Variants in PARP11 observed in about 807,000 individuals in gnomAD.
PARP11 encodes the protein protein mono-ADP-ribosyltransferase PARP11.
In PARP11, 31 loss-of-function variants were observed where a neutral mutation model predicts 42.9. The observed-to-expected ratio is 0.72, with a 90% confidence interval of 0.54 to 0.98. The LOEUF is 0.98. PARP11 is among the 50% of genes least tolerant of loss of function. The probability of loss-of-function intolerance (pLI) is 0.00; values close to 1 mark genes in which losing one functional copy is unlikely to be tolerated. For synonymous variants in PARP11, 137 were observed against 127.3 expected, an observed-to-expected ratio of 1.08 and a Z score of -0.51; for missense variants, 365 against 413.1, an observed-to-expected ratio of 0.88 and a Z score of 1.01.
chr12:3,843,060 TTTC>T (rs1947926556), intron 1 of PARP11, among the ~76,000 whole-genome samples: 1 of 152,362 alleles, frequency 6.6e-6, no homozygotes, highest in East Asian at 1.9e-4. Context: ...CCCAAAGGCC[TTTC>T]ATCTCGATAT....
At chr12:3,828,496 C>T (rs566405461) in intron 3 of PARP11, among the ~76,000 whole-genome samples, 2 of 146,086 alleles carry the variant, frequency 1.4e-5, no homozygotes, top group South Asian at 4.3e-4. Context: ...TGCAGTGAGC[C>T]GAGATCATGC....
chr12:3,840,662 C>T lies in PARP11; in HGVS notation c.19-10644G>A, dbSNP rs1947866601. ...TCCATGTGTCCAGAGAAAATCATCA[C>T]ACGTAAGTGATAGAAAAGGAAGCAG... is the stretch of plus-strand genomic sequence containing the variant. On this transcript the variant is annotated intron_variant, in intron 1 of 7. Transcript: ENST00000228820. This position sits in a 1 kb window ranked among gnomAD's most constrained non-coding sequence, Gnocchi z 4.4. 2 of 1,198,672 alleles carry T rather than the reference C, an allele frequency of 1.7e-6. No homozygotes were observed. Among genetic ancestry groups the T allele is most frequent in the African/African-American group, 1.5e-5 (1 of 66,830 alleles). The allele number at this position is 1,198,672 out of a possible 1,614,324, so 74.3% of individuals were successfully genotyped here. A position where few individuals can be genotyped will look rare whatever the true frequency, so the allele number is the denominator to read the frequency against.
chr12:3,818,523 T>G (rs966986057), intron 6 of PARP11, among the ~76,000 whole-genome samples: 2 of 152,206 alleles, frequency 1.3e-5, no homozygotes, highest in African/African-American at 4.8e-5. Context: ...CCTTTCCAAT[T>G]ACAATGTTCA....
chr12:3,817,227 C>A (rs775229718), intron 6 of PARP11, among the ~76,000 whole-genome samples: 3 of 151,708 alleles, frequency 2.0e-5, no homozygotes, highest in Non-Finnish European at 4.4e-5. Context: ...ACTTTTCGGG[C>A]ACAAATTCGA....
chr12:3,828,532 A>C (rs2138042088), intron 3 of PARP11, among the ~76,000 whole-genome samples: 1 of 146,434 alleles, frequency 6.8e-6, no homozygotes, highest in South Asian at 2.2e-4. Context: ...TGGGCAACAC[A>C]GTGAGACGTC....
Position 3,840,358 on chromosome 12 carries a change from A to C in PARP11, c.19-10340T>G, listed in dbSNP as rs2138070827. Reference sequence around the variant, plus strand: ...GAAAAAACCTTCCACTTCTGGACAAAATTTCCATTCTGATATGGATTACAG... The same window carrying C: ...GAAAAAACCTTCCACTTCTGGACAACATTTCCATTCTGATATGGATTACAG... On this transcript the variant is annotated intron_variant, in intron 1 of 7. Transcript: ENST00000228820. This position sits in a 1 kb window ranked among gnomAD's most constrained non-coding sequence, Gnocchi z 4.4. The C allele has an allele frequency of 1.9e-6, 3 of 1,614,064 alleles. No individual in the cohort carries two copies. In the Admixed American group the frequency reaches 5.0e-5, roughly 27 times the overall value.
intron 1 of PARP11, among the ~76,000 whole-genome samples, chr12:3,847,381 G>A (rs1192640664): frequency 6.6e-6 from 1 of 151,860 alleles, no homozygotes; most frequent in Non-Finnish European, 1.5e-5. Context: ...GAAAACCATA[G>A]GCCAATATCA....
At chr12:3,850,595 G>C (rs1565546619) in intron 1 of PARP11, among the ~76,000 whole-genome samples, 1 of 152,172 alleles carries the variant, frequency 6.6e-6, no homozygotes, top group Non-Finnish European at 1.5e-5. Flanking sequence ...GCCAATGGCA[G>C]GTTCCTCACA....
chr12:3,840,172 CAAGTT>C lies in PARP11; in HGVS notation c.19-10159_19-10155del. On this transcript the variant is annotated intron_variant, in intron 1 of 7. Transcript: ENST00000228820. The surrounding 1 kb of genome is among the most constrained non-coding windows in gnomAD (Gnocchi z 4.4). ...ACAATATGAAGTTGGAGACAAATGT[CAAGTT>C]AGGTTGGATCACAATGGAAAATTTT... The C allele has an allele frequency of 5.0e-6, 8 of 1,611,052 alleles. No homozygotes were observed. Among genetic ancestry groups the C allele is most frequent in the Non-Finnish European group, 6.8e-6 (8 of 1,177,224 alleles).
Position 3,845,100 on chromosome 12 carries a change from G to GT in PARP11, c.19-15083dup, listed in dbSNP as rs559056899. Among the ~76,000 whole-genome samples the GT allele has an allele frequency of 1.2e-4, 19 of 152,294 alleles. 1 individual carries two copies. The East Asian group carries it at 3.3e-3, about 26-fold the overall frequency. The stretch of plus-strand genomic sequence containing the variant: ...AGAACAGACTGACCAAAGCTCACCT[G>GT]TTTTTTGTGTTAGGTGCTTTGGCTG... On this transcript the variant is annotated intron_variant, in intron 1 of 7. Transcript: ENST00000228820.
chr12:3,865,330 G>A (rs543950450), intron 1 of PARP11, among the ~76,000 whole-genome samples: 30 of 152,214 alleles, frequency 2.0e-4, no homozygotes, highest in Admixed American at 3.9e-4. Flanking sequence ...CATGTATTCA[G>A]CTGTTGATGG....
intron 1 of PARP11, among the ~76,000 whole-genome samples, chr12:3,844,007 C>T (rs977834779): frequency 1.3e-5 from 2 of 152,142 alleles, no homozygotes; most frequent in Non-Finnish European, 2.9e-5. Flanking sequence ...TTGAATTTGA[C>T]AAACTGAAAC....
At position 3,828,759 on chromosome 12, in the gene PARP11, A is replaced by T. The variant is rs2231379; in HGVS notation, c.268+151T>A. 4,284 of 620,338 alleles carry T rather than the reference A, an allele frequency of 6.9e-3. 135 individuals are homozygous for T. The African/African-American group carries it at 0.069, about 10-fold the overall frequency. 38.4% of individuals were successfully genotyped at this position (620,338 alleles called of 1,614,324 possible). On this transcript the variant is annotated intron_variant, in intron 3 of 7. Transcript: ENST00000228820. ...AAGGCAATGTTGCTCAAGATTTTAA[A>T]ACTTGAATTTTTATAGAGGTATTTT...
At chr12:3,837,496 G>GA (rs1368580822) in intron 1 of PARP11, among the ~76,000 whole-genome samples, 2 of 152,068 alleles carry the variant, frequency 1.3e-5, no homozygotes, top group Non-Finnish European at 2.9e-5. Context: ...TACGACCAGA[G>GA]AAAATCACTT....
At position 3,809,095 on chromosome 12, in the gene PARP11, T is replaced by C. The variant is rs1341467344; in HGVS notation, c.*3028A>G. ...ATTATCAGCTGGAATGTATTCAATA[T>C]AGAGTTTTAAAAACCATTTATCATT... On this transcript the variant is annotated 3_prime_UTR_variant, in exon 8 of 8. Transcript: ENST00000228820. 3.9e-5 allele frequency: 6 copies of C among 152,192 alleles called. No homozygotes were observed. The highest frequency in any genetic ancestry group is 1.3e-4 in the Admixed American group (2 of 15,280). 9.4% of individuals were successfully genotyped at this position (152,192 alleles called of 1,614,324 possible). A position where few individuals can be genotyped will look rare whatever the true frequency, so the allele number is the denominator to read the frequency against.
chr12:3,836,347 C>T (rs964000078), intron 1 of PARP11, among the ~76,000 whole-genome samples: 2 of 150,560 alleles, frequency 1.3e-5, no homozygotes, highest in Non-Finnish European at 2.9e-5. Context: ...AAAAAAAAAG[C>T]GCCTATCAAC....
At chr12:3,872,750 C>T in intron 1 of PARP11, 1 of 985,312 alleles carries the variant, frequency 1.0e-6, no homozygotes, top group Non-Finnish European at 1.2e-6. Context: ...TGACTGACTA[C>T]AGGTTCCAAG....
At chr12:3,858,368 CAT>C (rs1276517319) in intron 1 of PARP11, among the ~76,000 whole-genome samples, 2 of 152,118 alleles carry the variant, frequency 1.3e-5, no homozygotes, top group Non-Finnish European at 2.9e-5. Context: ...ATGATGAAAA[CAT>C]GTGATGAGAT....
chr12:3,859,178 T>G (rs755034458), intron 1 of PARP11, among the ~76,000 whole-genome samples: 1 of 152,066 alleles, frequency 6.6e-6, no homozygotes, highest in South Asian at 2.1e-4. Flanking sequence ...AATAAATTCA[T>G]GTTTAGACTT....
Sources: gnomAD v4.1 joint callset for allele counts (sites outside exome capture counted in the v4.1 genomes callset) on GRCh38, gnomAD v4.1.1 for gene constraint, Gnocchi (gnomAD v3.1) non-coding constraint, MANE v1.5 for transcripts, NCBI Gene and HGNC (gene_info 2026-07-23, HGNC 2026-07-21) for gene names.